The following PCDH9 variants were observed in gnomAD, a reference collection of about 807,000 sequenced individuals.
PCDH9 encodes the protein protocadherin-9.
A neutral mutation model predicts 70.6 loss-of-function variants in PCDH9; 24 were observed. That is an observed-to-expected ratio of 0.34 (90% CI 0.25 to 0.48). The LOEUF (loss-of-function observed/expected upper bound fraction) is 0.48, where lower values mean the gene tolerates loss of function less well. Ranked by LOEUF, PCDH9 falls within the 20% of genes least tolerant of loss-of-function variation. PCDH9 has a pLI of 0.99. For synonymous variants in PCDH9, 562 were observed against 558.5 expected, an observed-to-expected ratio of 1.01 and a Z score of -0.09; for missense variants, 1,281 against 1,503.6, an observed-to-expected ratio of 0.85 and a Z score of 2.45.
chr13:67,016,728 C>T (rs1185106243), intron 2 of PCDH9, among the ~76,000 whole-genome samples: 2 of 152,168 alleles, frequency 1.3e-5, no homozygotes, highest in Non-Finnish European at 2.9e-5. Context: ...AATACAAGCA[C>T]ATTTGACTTG....
intron 3 of PCDH9, among the ~76,000 whole-genome samples, chr13:66,813,179 C>T (rs2080540186): frequency 6.6e-6 from 1 of 152,112 alleles, no homozygotes; most frequent in South Asian, 2.1e-4. Flanking sequence ...AGATCACTAC[C>T]ATTGGCCAAC....
intron 2 of PCDH9, among the ~76,000 whole-genome samples, chr13:67,194,011 C>T (rs1463377018): frequency 1.3e-5 from 2 of 152,048 alleles, no homozygotes; most frequent in African/African-American, 2.4e-5. Context: ...TACATTTTTT[C>T]TATTACATAA....
chr13:67,038,833 T>G (rs549319946), intron 2 of PCDH9, among the ~76,000 whole-genome samples: 17 of 152,252 alleles, frequency 1.1e-4, no homozygotes, highest in Middle Eastern at 3.4e-3. Context: ...GACACAGGGC[T>G]CCTACATTTC....
At chr13:66,897,468 A>T (rs536970651) in intron 3 of PCDH9, among the ~76,000 whole-genome samples, 2 of 152,242 alleles carry the variant, frequency 1.3e-5, no homozygotes, top group East Asian at 3.9e-4. Context: ...GCCCCATTTA[A>T]AAAATGAAAT....
chr13:66,779,807 G>C (rs575746885), intron 3 of PCDH9, among the ~76,000 whole-genome samples: 3 of 141,604 alleles, frequency 2.1e-5, no homozygotes, highest in South Asian at 4.5e-4. Context: ...GCAACAGAGC[G>C]AGACTCCATC....
chr13:66,389,176 C>A (rs1455458437), intron 4 of PCDH9, among the ~76,000 whole-genome samples: 1 of 152,068 alleles, frequency 6.6e-6, no homozygotes, highest in East Asian at 1.9e-4. Flanking sequence ...CAAATCTTAG[C>A]ATCTAGTCCT....
chr13:66,581,609 A>T (rs1295061159), intron 4 of PCDH9, among the ~76,000 whole-genome samples: 2 of 152,200 alleles, frequency 1.3e-5, no homozygotes, highest in African/African-American at 4.8e-5. Flanking sequence ...ACTTAAAAAC[A>T]AAAAGTTTTC....
chr13:66,342,148 A>T (rs1956138319), intron 4 of PCDH9, among the ~76,000 whole-genome samples: 1 of 152,212 alleles, frequency 6.6e-6, no homozygotes, highest in South Asian at 2.1e-4. Context: ...AATGAATCTG[A>T]ACATATAATT....
Position 66,518,939 on chromosome 13 carries a change from C to G in PCDH9, c.3340+112271G>C, listed in dbSNP as rs966085156. 2.6e-5 allele frequency among the ~76,000 whole-genome samples: 4 copies of G among 152,244 alleles called. No individual in the cohort carries two copies. The South Asian group carries it at 6.2e-4, about 24-fold the overall frequency. ...CAAGGGCATAATAGTACAAGATATCCAAACTAAAACTGTTTTAAATAAAGA... is the reference window on the plus strand; with the variant it reads ...CAAGGGCATAATAGTACAAGATATCGAAACTAAAACTGTTTTAAATAAAGA... On this transcript the variant is annotated intron_variant, in intron 4 of 4. Coordinates refer to ENST00000377865, the MANE Select transcript of PCDH9 (RefSeq NM_203487.3).
chr13:67,023,147 A>G (rs2084711408), intron 2 of PCDH9, among the ~76,000 whole-genome samples: 1 of 149,308 alleles, frequency 6.7e-6, no homozygotes, highest in African/African-American at 2.5e-5. Context: ...AGCTATCATG[A>G]AAATCCTTTT....
intron 4 of PCDH9, among the ~76,000 whole-genome samples, chr13:66,505,319 G>A (rs1239799872): frequency 2.6e-5 from 4 of 152,196 alleles, no homozygotes; most frequent in Admixed American, 6.5e-5. Context: ...AATCATGATG[G>A]AAGGTGAATG....
intron 3 of PCDH9, among the ~76,000 whole-genome samples, chr13:66,681,628 T>C (rs1048631444): frequency 1.2e-4 from 18 of 152,116 alleles, no homozygotes; most frequent in Non-Finnish European, 2.4e-4. Context: ...CTCTGACTTC[T>C]AGGCTTTTGA....
chr13:67,094,161 T>C (rs898366923), intron 2 of PCDH9, among the ~76,000 whole-genome samples: 2 of 152,090 alleles, frequency 1.3e-5, no homozygotes, highest in Non-Finnish European at 2.9e-5. Context: ...AGGGGCAAAA[T>C]AGAACATTCT....
chr13:66,373,876 A>C (rs1396200613), intron 4 of PCDH9, among the ~76,000 whole-genome samples: 1 of 152,128 alleles, frequency 6.6e-6, no homozygotes, highest in African/African-American at 2.4e-5. Context: ...AGACCTTGTA[A>C]AAGTCACTTA....
At chr13:66,907,445 G>A (rs1181804991) in intron 2 of PCDH9, among the ~76,000 whole-genome samples, 1 of 152,064 alleles carries the variant, frequency 6.6e-6, no homozygotes, top group Non-Finnish European at 1.5e-5. Context: ...AGACCAGTTT[G>A]CTATTTTTCA....
chr13:66,617,862 TTCC>T lies in PCDH9; in HGVS notation c.3340+13345_3340+13347del, dbSNP rs527374221. Among the ~76,000 whole-genome samples, 201 of 152,276 alleles carry T rather than the reference TTCC, an allele frequency of 1.3e-3. 1 individual carries two copies. Among genetic ancestry groups the T allele is most frequent in the African/African-American group, 4.6e-3 (192 of 41,552 alleles). ...CCCCTGAGGGACCTCAGACTGCCGT[TTCC>T]ACAAAACGGCGTCCCCTGTCAGCAG... On this transcript the variant is annotated intron_variant, in intron 4 of 4. Transcript: ENST00000377865.
chr13:66,406,710 G>C (rs1234145227), intron 4 of PCDH9, among the ~76,000 whole-genome samples: 2 of 152,080 alleles, frequency 1.3e-5, no homozygotes, highest in Admixed American at 6.5e-5. Flanking sequence ...AGAGGACCTG[G>C]TGTTTTCATT....
intron 3 of PCDH9, among the ~76,000 whole-genome samples, chr13:66,758,281 C>A (rs1436309376): frequency 6.6e-6 from 1 of 151,974 alleles, no homozygotes; most frequent in East Asian, 1.9e-4. Context: ...TGCAATAGAT[C>A]TCTTAAACTG....
At chr13:66,826,034 C>T (rs1323101263) in intron 3 of PCDH9, among the ~76,000 whole-genome samples, 2 of 151,728 alleles carry the variant, frequency 1.3e-5, no homozygotes, top group Non-Finnish European at 1.5e-5. Context: ...TGAATTAAAA[C>T]CTAAAGACTT....
Sources: gnomAD v4.1 joint callset for allele counts (sites outside exome capture counted in the v4.1 genomes callset) on GRCh38, gnomAD v4.1.1 for gene constraint, MANE v1.5 for transcripts, NCBI Gene and HGNC (gene_info 2026-07-23, HGNC 2026-07-21) for gene names.